Variants in PRR16 observed in about 807,000 individuals in gnomAD.
PRR16 encodes protein Largen.
A neutral mutation model predicts 18.2 loss-of-function variants in PRR16; 6 were observed. The observed-to-expected ratio is 0.33, with a 90% CI of 0.18 to 0.65. PRR16 has a LOEUF of 0.65. Ranked by LOEUF, PRR16 falls within the 30% of genes least tolerant of loss-of-function variation. The pLI, the probability that PRR16 is intolerant of heterozygous loss-of-function variation, is 0.74. For missense variants in PRR16, 412 were observed against 376.6 expected (o/e 1.09, Z -0.78); for synonymous variants, 151 against 147.8 (o/e 1.02, Z -0.16).
the PRR16 span, among the ~76,000 whole-genome samples, chr5:120,758,848 G>T: frequency 6.6e-6 from 1 of 151,820 alleles, no homozygotes; most frequent in African/African-American, 2.4e-5. Flanking sequence ...AAATATATTT[G>T]TCTATCAGTT....
intron 1 of PRR16, among the ~76,000 whole-genome samples, chr5:120,525,719 A>G (rs575221338): frequency 6.6e-6 from 1 of 151,852 alleles, no homozygotes; most frequent in South Asian, 2.1e-4. Flanking sequence ...GATAAAATGG[A>G]CACACATGAA....
the PRR16 span, among the ~76,000 whole-genome samples, chr5:120,755,466 T>C: frequency 2.0e-5 from 3 of 152,088 alleles, no homozygotes; most frequent in Admixed American, 6.6e-5. Context: ...CTCCGAATTA[T>C]GTGAGAACAT....
intron 1 of PRR16, among the ~76,000 whole-genome samples, chr5:120,484,716 A>G (rs1458400986): frequency 2.7e-5 from 4 of 148,956 alleles, no homozygotes; most frequent in Non-Finnish European, 5.9e-5. Context: ...TTCAGAGTAT[A>G]TCATTTTTTC....
intron 1 of PRR16, among the ~76,000 whole-genome samples, chr5:120,655,074 A>G (rs1755920942): frequency 6.6e-6 from 1 of 151,976 alleles, no homozygotes; most frequent in Admixed American, 6.6e-5. Flanking sequence ...ATCATATATT[A>G]CCTGCCAGAA....
chr5:120,755,244 T>G, the PRR16 span, among the ~76,000 whole-genome samples: 1 of 151,948 alleles, frequency 6.6e-6, no homozygotes, highest in Non-Finnish European at 1.5e-5. Context: ...AATTTCAACT[T>G]TTATTTTAGA....
chr5:120,565,709 T>A (rs894571894), intron 1 of PRR16, among the ~76,000 whole-genome samples: 5 of 152,246 alleles, frequency 3.3e-5, no homozygotes, highest in Non-Finnish European at 1.5e-5. Flanking sequence ...GAAGAGATTT[T>A]CCTGTGAAAT....
At chr5:120,525,559 T>C (rs980165833) in intron 1 of PRR16, among the ~76,000 whole-genome samples, 1 of 151,864 alleles carries the variant, frequency 6.6e-6, no homozygotes, top group Non-Finnish European at 1.5e-5. Context: ...TATACAATAT[T>C]GACCTAATTT....
At chr5:120,772,831 G>C in the PRR16 span, among the ~76,000 whole-genome samples, 1 of 152,072 alleles carries the variant, frequency 6.6e-6, no homozygotes, top group Non-Finnish European at 1.5e-5. Context: ...CCCTGAGGCT[G>C]TTCAGTCCCA....
At chr5:120,672,453 T>C (rs1271441005) in intron 1 of PRR16, among the ~76,000 whole-genome samples, 1 of 151,442 alleles carries the variant, frequency 6.6e-6, no homozygotes, top group Non-Finnish European at 1.5e-5. Flanking sequence ...CCTGGGAGTA[T>C]TGTAGCTTTA....
At chr5:120,628,695 CATCTATCTATCTATCT>C (rs10590670) in intron 1 of PRR16, among the ~76,000 whole-genome samples, 12,400 of 144,656 alleles carry the variant, frequency 0.086, 1,020 homozygotes, top group East Asian at 0.47. Flanking sequence ...ATCATTCTAC[CATCTATCTATCTATCT>C]ATCTATCTAT....
rs116847282 is a variant in PRR16 at position 120,564,684 on chromosome 5, A to G, written c.159+100039A>G. ...CCTCCTCAGTGCTTCTTTCAGTGAC[A>G]TGAAGTTAAAACCAGGTACTGGCTG... On this transcript the variant is annotated intron_variant, in intron 1 of 1. Coordinates refer to ENST00000407149, the MANE Select transcript of PRR16 (RefSeq NM_001300783.2). 4.3e-4 allele frequency among the ~76,000 whole-genome samples: 65 copies of G among 152,260 alleles called. No individual in the cohort carries two copies. In the East Asian group the frequency reaches 0.012, roughly 28 times the overall value.
At chr5:120,787,361 A>G in the PRR16 span, among the ~76,000 whole-genome samples, 1 of 152,302 alleles carries the variant, frequency 6.6e-6, no homozygotes, top group African/African-American at 2.4e-5. Context: ...TCTCATACCA[A>G]CCAGTGAGAA....
chr5:120,630,366 T>G (rs1755011825), intron 1 of PRR16, among the ~76,000 whole-genome samples: 1 of 152,106 alleles, frequency 6.6e-6, no homozygotes, highest in Admixed American at 6.6e-5. Flanking sequence ...TCCGGCACAG[T>G]GTACTGTTGT....
the PRR16 span, among the ~76,000 whole-genome samples, chr5:120,751,052 G>C: frequency 2.6e-5 from 4 of 152,050 alleles, no homozygotes; most frequent in Admixed American, 2.6e-4. Context: ...GTCTTTCTGT[G>C]ACTTGCTTCT....
At chr5:120,582,029 A>T (rs995102986) in intron 1 of PRR16, among the ~76,000 whole-genome samples, 22 of 152,336 alleles carry the variant, frequency 1.4e-4, no homozygotes, top group Middle Eastern at 3.4e-3. Flanking sequence ...AGCACAATTC[A>T]CAATACTGAA....
At chr5:120,666,018 G>A (rs1343738689) in intron 1 of PRR16, among the ~76,000 whole-genome samples, 2 of 152,050 alleles carry the variant, frequency 1.3e-5, no homozygotes, top group African/African-American at 4.8e-5. Context: ...GCTTGATGGG[G>A]ATGGCATTGA....
the PRR16 span, among the ~76,000 whole-genome samples, chr5:120,704,583 C>T: frequency 1.3e-5 from 2 of 152,120 alleles, no homozygotes; most frequent in Non-Finnish European, 1.5e-5. Flanking sequence ...TATTTCTTTG[C>T]TTTCCGTTAT....
intron 1 of PRR16, among the ~76,000 whole-genome samples, chr5:120,555,245 A>G (rs1752371236): frequency 6.6e-6 from 1 of 151,916 alleles, no homozygotes; most frequent in Non-Finnish European, 1.5e-5. Context: ...CTTTCATCCC[A>G]TAGGTGTCAT....
intron 1 of PRR16, among the ~76,000 whole-genome samples, chr5:120,672,655 CTCTTAT>C (rs1469586078): frequency 6.6e-6 from 1 of 151,852 alleles, no homozygotes; most frequent in South Asian, 2.1e-4. Context: ...ATACAGCATA[CTCTTAT>C]TCTTATTACA....
Sources: allele counts gnomAD v4.1 joint callset (sites outside exome capture counted in the v4.1 genomes callset), GRCh38; gene constraint gnomAD v4.1.1; transcripts MANE v1.5; gene names NCBI Gene and HGNC (gene_info 2026-07-23, HGNC 2026-07-21).